FARS2: variants seen among roughly 807,000 people sequenced by gnomAD.
FARS2 encodes the protein phenylalanine--tRNA ligase, mitochondrial.
FARS2 carries 40 observed loss-of-function variants against 46.4 expected under a neutral mutation model. The observed-to-expected ratio is 0.86, with a 90% CI of 0.67 to 1.12. The LOEUF is 1.12. Ranked by LOEUF, FARS2 falls within the 50% of genes most tolerant of loss-of-function variation. The pLI, the probability that FARS2 is intolerant of heterozygous loss-of-function variation, is 0.00. For synonymous variants in FARS2, 234 were observed against 214.9 expected, an observed-to-expected ratio of 1.09 and a Z score of -0.78; for missense variants, 513 against 567.9, an observed-to-expected ratio of 0.90 and a Z score of 0.98.
chr6:5,383,652 G>A (rs182859011), intron 2 of FARS2, among the ~76,000 whole-genome samples: 1 of 152,256 alleles, frequency 6.6e-6, no homozygotes, highest in Admixed American at 6.5e-5. Flanking sequence ...CCCCTTCTGT[G>A]TATCTTACAA....
intron 1 of FARS2, among the ~76,000 whole-genome samples, chr6:5,356,534 G>C (rs1757942376): frequency 6.6e-6 from 1 of 152,096 alleles, no homozygotes; most frequent in African/African-American, 2.4e-5. Context: ...GTGTCTCTAA[G>C]TGCAAGAAGG....
At chr6:5,288,355 A>G (rs187635978) in intron 1 of FARS2, among the ~76,000 whole-genome samples, 3 of 151,820 alleles carry the variant, frequency 2.0e-5, no homozygotes, top group East Asian at 1.9e-4. Context: ...AGAACATTAC[A>G]TAAGCATTGA....
intron 6 of FARS2, among the ~76,000 whole-genome samples, chr6:5,624,424 C>T (rs1231978942): frequency 6.6e-6 from 1 of 152,164 alleles, no homozygotes; most frequent in Non-Finnish European, 1.5e-5. Flanking sequence ...CTGGCAGGGA[C>T]CCAGGAGTAG....
At chr6:5,366,626 G>A (rs1348792687) in intron 1 of FARS2, among the ~76,000 whole-genome samples, 1 of 150,978 alleles carries the variant, frequency 6.6e-6, no homozygotes, top group African/African-American at 2.5e-5. Flanking sequence ...CACGAGGCTG[G>A]GGCACATCCC....
At chr6:5,701,264 G>C (rs1758418604) in intron 6 of FARS2, among the ~76,000 whole-genome samples, 1 of 152,358 alleles carries the variant, frequency 6.6e-6, no homozygotes, top group African/African-American at 2.4e-5. Context: ...GCACATCTCT[G>C]CAAAGGCTGT....
At position 5,730,601 on chromosome 6, in the gene FARS2, G is replaced by T. The variant is rs1224040107; in HGVS notation, c.1218-40690G>T. Among the ~76,000 whole-genome samples, 14 of 152,050 alleles carry T rather than the reference G, an allele frequency of 9.2e-5. 1 individual carries two copies. The highest frequency in any genetic ancestry group is 3.4e-4 in the African/African-American group (14 of 41,382). The stretch of plus-strand genomic sequence containing the variant: ...ACAAGGCAGTAATTCACCATCATCA[G>T]TTAATATGTCCGAGCCCAGGGCCAG... On this transcript the variant is annotated intron_variant, in intron 6 of 6. Transcript: ENST00000274680.
chr6:5,378,281 G>A (rs1442904055), intron 2 of FARS2, among the ~76,000 whole-genome samples: 4 of 151,844 alleles, frequency 2.6e-5, no homozygotes, highest in Non-Finnish European at 1.5e-5. Context: ...CAACCACTGT[G>A]GGTGAGGGGC....
intron 4 of FARS2, among the ~76,000 whole-genome samples, chr6:5,542,738 C>G (rs1240200272): frequency 6.6e-6 from 1 of 152,140 alleles, no homozygotes; most frequent in Non-Finnish European, 1.5e-5. Context: ...TTTATCATTC[C>G]CACCCAATAA....
chr6:5,671,236 T>C (rs1342006511), intron 6 of FARS2, among the ~76,000 whole-genome samples: 2 of 152,216 alleles, frequency 1.3e-5, no homozygotes, highest in East Asian at 3.8e-4. Context: ...AGTTGCAGTG[T>C]CCATGAGTAC....
At chr6:5,315,716 C>CTCTTTCTTTCTTTCTTTCTTTCTTTCTT (rs70974188) in intron 1 of FARS2, among the ~76,000 whole-genome samples, 1 of 28,276 alleles carries the variant, frequency 3.5e-5, no homozygotes, top group Non-Finnish European at 6.4e-5. Context: ...ATATTGATTT[C>CTCTTTCTTTCTTTCTTTCTTTCTTTCTT]TCTTTCTTTC....
chr6:5,523,416 CTTT>C (rs74406753), intron 4 of FARS2, among the ~76,000 whole-genome samples: 1 of 140,860 alleles, frequency 7.1e-6, no homozygotes. Flanking sequence ...CATATGCTAT[CTTT>C]TTTTTTTTTT....
At chr6:5,309,661 G>A (rs1768955293) in intron 1 of FARS2, among the ~76,000 whole-genome samples, 2 of 152,222 alleles carry the variant, frequency 1.3e-5, no homozygotes, top group South Asian at 4.1e-4. Context: ...TGGAAGATAT[G>A]TATGATGAAA....
intron 1 of FARS2, among the ~76,000 whole-genome samples, chr6:5,367,832 G>T (rs1758779159): frequency 2.0e-5 from 3 of 152,106 alleles, no homozygotes; most frequent in Admixed American, 2.0e-4. Context: ...GAGAAGATTT[G>T]CATTTACAGC....
At chr6:5,256,724 C>T (rs1462923294), upstream of FARS2, among the ~76,000 whole-genome samples, 1 of 152,006 alleles carries the variant, frequency 6.6e-6, no homozygotes, top group Non-Finnish European at 1.5e-5. Flanking sequence ...TGATTAACTA[C>T]CTCTGCTGGG....
At chr6:5,308,726 A>G (rs1176417035) in intron 1 of FARS2, among the ~76,000 whole-genome samples, 2 of 152,194 alleles carry the variant, frequency 1.3e-5, no homozygotes, top group Admixed American at 6.5e-5. Context: ...TTTTCTGTGG[A>G]TCAAGCCGTG....
intron 4 of FARS2, among the ~76,000 whole-genome samples, chr6:5,486,794 A>G (rs1046788693): frequency 8.5e-5 from 13 of 152,190 alleles, no homozygotes; most frequent in African/African-American, 2.4e-4. Context: ...ACAGGCCACA[A>G]GGAGTTAATC....
chr6:5,552,466 T>C (rs1418661635), intron 5 of FARS2, among the ~76,000 whole-genome samples: 1 of 152,160 alleles, frequency 6.6e-6, no homozygotes, highest in Non-Finnish European at 1.5e-5. Context: ...CTCTAGGCTG[T>C]GTTGGCTTCT....
At chr6:5,517,736 A>G (rs1272858248) in intron 4 of FARS2, among the ~76,000 whole-genome samples, 1 of 152,234 alleles carries the variant, frequency 6.6e-6, no homozygotes, top group Non-Finnish European at 1.5e-5. Flanking sequence ...ACATGGTGAA[A>G]TGAGTATTTT....
Position 5,575,146 on chromosome 6 carries a change from C to T in FARS2, c.1065+29806C>T, listed in dbSNP as rs1413257189. On this transcript the variant is annotated intron_variant, in intron 5 of 6. Coordinates refer to ENST00000274680, the MANE Select transcript of FARS2 (RefSeq NM_006567.5). The stretch of plus-strand genomic sequence containing the variant: ...AAGGACACCAGAGAGTACTTCAGCA[C>T]TATGCTTGGAAGTCATTTTAAACAG... 2.6e-5 allele frequency among the ~76,000 whole-genome samples: 4 copies of T among 152,288 alleles called. No individual in the cohort carries two copies. In the East Asian group the frequency reaches 7.7e-4, roughly 29 times the overall value.
Sources: allele counts gnomAD v4.1 joint callset (sites outside exome capture counted in the v4.1 genomes callset), GRCh38; gene constraint gnomAD v4.1.1; transcripts MANE v1.5; gene names NCBI Gene and HGNC (gene_info 2026-07-23, HGNC 2026-07-21).